Variants in JADE3 observed in about 807,000 individuals in gnomAD.
JADE3 encodes the protein jade family PHD finger 3, also known as protein Jade-3.
A neutral mutation model predicts 50.1 loss-of-function variants in JADE3; 2 were observed. That is an observed-to-expected ratio of 0.04 (90% CI 0.02 to 0.13). The LOEUF is 0.13. JADE3 is among the 10% of genes least tolerant of loss of function. The pLI, the probability that JADE3 is intolerant of heterozygous loss-of-function variation, is 1.00. For missense variants in JADE3, 475 were observed against 634.4 expected, an observed-to-expected ratio of 0.75 and a Z score of 2.70; for synonymous variants, 218 against 232.9, an observed-to-expected ratio of 0.94 and a Z score of 0.58.
rs138131718 is a variant in JADE3 at position 47,058,264 on chromosome X, C to T, written c.1659C>T (p.His553=). 6.6e-6 allele frequency: 8 copies of T among 1,208,544 alleles called. No homozygotes were observed. The highest frequency in any genetic ancestry group is 2.2e-5 in the Admixed American group (1 of 45,580). ...TGCCCAAATCAACCCCAGAAGACCA[C>T]AGAAACAGCTCCACAGAAACCGATC... The part of the protein sequence containing the change: ...LKMPKSTPED[H]RNSSTETDQQ... The change falls in exon 11 of 11, where the codon CAC becomes CAT. Residue 553 remains histidine (H), a synonymous_variant. Coordinates refer to ENST00000614628, the MANE Select transcript of JADE3 (RefSeq NM_014735.5).
intron 3 of JADE3, 110 bp downstream of exon 3, chrX:46,985,902 G>A: frequency 3.8e-6 from 2 of 521,435 alleles, no homozygotes; most frequent in Non-Finnish European, 6.7e-6. Context: ...CCTAATGGGA[G>A]ATGTTTGGAT....
chrX:46,927,961 A>G (rs1926408172), intron 1 of JADE3, among the ~76,000 whole-genome samples: 1 of 112,123 alleles, frequency 8.9e-6, no homozygotes, highest in Non-Finnish European at 1.9e-5. Flanking sequence ...AGCATTTGCA[A>G]TAAGGAACCT....
At chrX:46,965,078 G>T (rs782542232) in intron 1 of JADE3, among the ~76,000 whole-genome samples, 10 of 111,954 alleles carry the variant, frequency 8.9e-5, no homozygotes, top group African/African-American at 3.2e-4. Context: ...TAAATCTCTG[G>T]ACCAGAAACA....
chrX:47,030,364 AGAT>A (rs1928991369), intron 6 of JADE3, among the ~76,000 whole-genome samples: 1 of 111,730 alleles, frequency 9.0e-6, no homozygotes, highest in African/African-American at 3.3e-5. Context: ...ACATAGAAAG[AGAT>A]GAGATGGCAA....
At chrX:46,959,946 C>T (rs373187190) in intron 1 of JADE3, among the ~76,000 whole-genome samples, 11 of 111,507 alleles carry the variant, frequency 9.9e-5, no homozygotes, top group African/African-American at 2.9e-4. Context: ...GGGTAACTCA[C>T]TTTCTGAGAT....
At chrX:47,049,927 CTCT>C (rs375685197) in intron 8 of JADE3, among the ~76,000 whole-genome samples, 17 of 106,924 alleles carry the variant, frequency 1.6e-4, no homozygotes, top group East Asian at 5.9e-4. Context: ...GCACCCGGCA[CTCT>C]TCTTCTTTTT....
Position 47,020,052 on chromosome X carries a change from C to T in JADE3, c.285-4672C>T, listed in dbSNP as rs376119750. Among the ~76,000 whole-genome samples the T allele has an allele frequency of 8.1e-4, 91 of 111,996 alleles. 2 individuals are homozygous for T. Among genetic ancestry groups the T allele is most frequent in the South Asian group, 6.0e-3 (16 of 2,687 alleles). Reference sequence around the variant, plus strand: ...AGTGACCATTTAAAGAGTATCAGGCCGGGCGCGGTGGCTCACGCCTGTAAT... The same window carrying T: ...AGTGACCATTTAAAGAGTATCAGGCTGGGCGCGGTGGCTCACGCCTGTAAT... On this transcript the variant is annotated intron_variant, in intron 4 of 10. Transcript: ENST00000614628.
At chrX:47,003,586 A>T (rs1382058498) in intron 4 of JADE3, among the ~76,000 whole-genome samples, 3 of 102,779 alleles carry the variant, frequency 2.9e-5, no homozygotes, top group Admixed American at 1.1e-4. Flanking sequence ...TTATATATAT[A>T]AAAATAATTA....
chrX:47,020,988 C>T (rs1468821318), intron 4 of JADE3, among the ~76,000 whole-genome samples: 1 of 110,667 alleles, frequency 9.0e-6, no homozygotes, highest in Non-Finnish European at 1.9e-5. Context: ...GTGGTGTGTA[C>T]CTGTAGTTTC....
At chrX:47,048,832 T>C (rs967680243) in intron 8 of JADE3, among the ~76,000 whole-genome samples, 2 of 111,869 alleles carry the variant, frequency 1.8e-5, no homozygotes, top group African/African-American at 6.5e-5. Flanking sequence ...TTATGGTATA[T>C]AAAATATATC....
Position 47,001,930 on chromosome X carries a change from T to C in JADE3, c.284+3653T>C, listed in dbSNP as rs782808798. Among the ~76,000 whole-genome samples the C allele has an allele frequency of 6.3e-5, 7 of 111,742 alleles. No individual in the cohort carries two copies. The East Asian group carries it at 2.0e-3, about 31-fold the overall frequency. On this transcript the variant is annotated intron_variant, in intron 4 of 10. Coordinates refer to ENST00000614628, the MANE Select transcript of JADE3 (RefSeq NM_014735.5). ...TTCAGTGAAATATATCTTTGTCTTT[T>C]GCCTGTTTTCTAATCAGATTCTTTG... is the stretch of plus-strand genomic sequence containing the variant.
In JADE3 at chrX:46,988,950, C is replaced by T. The variant is rs782657798; in HGVS notation, c.126+3158C>T. Among the ~76,000 whole-genome samples the T allele has an allele frequency of 4.4e-5, 5 of 112,490 alleles. No individual in the cohort carries two copies. The South Asian group carries it at 1.9e-3, about 42-fold the overall frequency. On this transcript the variant is annotated intron_variant, in intron 3 of 10. Coordinates refer to ENST00000614628, the MANE Select transcript of JADE3 (RefSeq NM_014735.5). The stretch of plus-strand genomic sequence containing the variant: ...CGCCTCCCAGGTTCAAGCGATTTTC[C>T]TGCCTCAGCCTCCCAAGTAGCTGGG...
At chrX:46,945,639 G>A (rs992062961) in intron 1 of JADE3, among the ~76,000 whole-genome samples, 1 of 111,624 alleles carries the variant, frequency 9.0e-6, no homozygotes, top group Non-Finnish European at 1.9e-5. Context: ...GGAGCTGTGG[G>A]AGCTGCATGT....
At chrX:47,051,280 C>T (rs1007965170) in intron 8 of JADE3, among the ~76,000 whole-genome samples, 17 of 111,868 alleles carry the variant, frequency 1.5e-4, no homozygotes, top group Non-Finnish European at 2.6e-4. Context: ...TGGAATATGC[C>T]CCTTTAAAAC....
At chrX:47,040,526 C>T (rs1328066210) in intron 8 of JADE3, among the ~76,000 whole-genome samples, 1 of 111,948 alleles carries the variant, frequency 8.9e-6, no homozygotes, top group Non-Finnish European at 1.9e-5. Flanking sequence ...TGCAGGAAAA[C>T]AAGCTCAGGG....
chrX:46,998,569 C>T (rs1928193745), intron 4 of JADE3, among the ~76,000 whole-genome samples: 1 of 110,946 alleles, frequency 9.0e-6, no homozygotes, highest in Non-Finnish European at 1.9e-5. Context: ...AGTCTTGACT[C>T]AACAGTCAGT....
At chrX:46,972,669 G>C (rs958917823) in intron 1 of JADE3, among the ~76,000 whole-genome samples, 2 of 111,314 alleles carry the variant, frequency 1.8e-5, no homozygotes, top group African/African-American at 6.5e-5. Flanking sequence ...GCACGATCTC[G>C]GCTCACTGCA....
intron 1 of JADE3, among the ~76,000 whole-genome samples, chrX:46,970,760 C>T (rs1289142199): frequency 9.0e-6 from 1 of 111,396 alleles, no homozygotes; most frequent in Non-Finnish European, 1.9e-5. Context: ...TACGTTGTTA[C>T]GAAAACCTGG....
chrX:46,995,287 C>G (rs782085266), intron 3 of JADE3, among the ~76,000 whole-genome samples: 1 of 111,107 alleles, frequency 9.0e-6, no homozygotes, highest in Non-Finnish European at 1.9e-5. Flanking sequence ...CCTTGGCCTC[C>G]CAAAGTGCTG....
Sources: allele counts gnomAD v4.1 joint callset (sites outside exome capture counted in the v4.1 genomes callset), GRCh38; gene constraint gnomAD v4.1.1; transcripts MANE v1.5; gene names NCBI Gene and HGNC (gene_info 2026-07-23, HGNC 2026-07-21).